Variants in ZNF521 observed in about 807,000 individuals in gnomAD.
The protein encoded by ZNF521 is zinc finger protein 521, also known as LYST-interacting protein 3.
Under a neutral mutation model 105.5 loss-of-function variants are expected in ZNF521, and 14 were observed. The observed-to-expected ratio is 0.13, with a 90% CI of 0.09 to 0.21. The LOEUF (loss-of-function observed/expected upper bound fraction) is 0.21, where lower values mean the gene tolerates loss of function less well. ZNF521 is among the 10% of genes least tolerant of loss of function. The pLI, the probability that ZNF521 is intolerant of heterozygous loss-of-function variation, is 1.00. For synonymous variants in ZNF521, 635 were observed against 606.0 expected (o/e 1.05, Z -0.70); for missense variants, 1,233 against 1,629.7 (o/e 0.76, Z 4.19).
At chr18:25,234,687 A>G (rs780528147) in intron 3 of ZNF521, among the ~76,000 whole-genome samples, 10 of 152,198 alleles carry the variant, frequency 6.6e-5, no homozygotes, top group Non-Finnish European at 1.3e-4. Flanking sequence ...TATGAAAGCC[A>G]AAGTTACCTA....
At chr18:25,349,604 C>T (rs8096114) in intron 2 of ZNF521, among the ~76,000 whole-genome samples, 14,774 of 152,082 alleles carry the variant, frequency 0.097, 832 homozygotes, top group Middle Eastern at 0.18. Context: ...GGCCGGGGGC[C>T]GGGAGGCGTG....
At chr18:25,072,107 T>C (rs1002248411) in intron 7 of ZNF521, among the ~76,000 whole-genome samples, 2 of 152,138 alleles carry the variant, frequency 1.3e-5, no homozygotes, top group African/African-American at 4.8e-5. Flanking sequence ...TTCACCACAT[T>C]TTGCTATTTT....
At chr18:25,301,145 G>C (rs1285154302) in intron 3 of ZNF521, among the ~76,000 whole-genome samples, 2 of 152,124 alleles carry the variant, frequency 1.3e-5, no homozygotes, top group African/African-American at 4.8e-5. Flanking sequence ...ATACACTGGG[G>C]ATACATTAGA....
At chr18:25,073,765 T>C (rs2033282059) in intron 7 of ZNF521, among the ~76,000 whole-genome samples, 1 of 152,302 alleles carries the variant, frequency 6.6e-6, no homozygotes, top group Middle Eastern at 3.4e-3. Context: ...GAAATGCCAC[T>C]TCCTTGTAGT....
chr18:25,191,749 G>A (rs956239257), intron 5 of ZNF521, among the ~76,000 whole-genome samples: 4 of 152,058 alleles, frequency 2.6e-5, no homozygotes, highest in South Asian at 2.1e-4. Flanking sequence ...CTATGCTGTT[G>A]AGCCTCATAA....
chr18:25,190,130 A>C (rs933500636), intron 5 of ZNF521, among the ~76,000 whole-genome samples: 2 of 152,146 alleles, frequency 1.3e-5, no homozygotes, highest in African/African-American at 4.8e-5. Context: ...GTTACCATTA[A>C]ACTGCCCAGA....
chr18:25,086,004 A>C (rs1350785586), intron 7 of ZNF521, among the ~76,000 whole-genome samples: 1 of 152,130 alleles, frequency 6.6e-6, no homozygotes, highest in Non-Finnish European at 1.5e-5. Flanking sequence ...ATAGGATTGC[A>C]GTTCTTAGAC....
intron 2 of ZNF521, among the ~76,000 whole-genome samples, chr18:25,349,419 G>T (rs28394771): frequency 0.11 from 17,070 of 152,224 alleles, 1,770 homozygotes; most frequent in East Asian, 0.52. Context: ...ACACTGTGTG[G>T]AGACACATGC....
At chr18:25,286,229 G>A (rs1239756481) in intron 3 of ZNF521, among the ~76,000 whole-genome samples, 1 of 152,166 alleles carries the variant, frequency 6.6e-6, no homozygotes, top group East Asian at 1.9e-4. Context: ...GGGGAAGAGT[G>A]GAATGAAGTG....
intron 3 of ZNF521, among the ~76,000 whole-genome samples, chr18:25,310,149 T>C (rs948924525): frequency 6.6e-6 from 1 of 152,048 alleles, no homozygotes; most frequent in Non-Finnish European, 1.5e-5. Flanking sequence ...TGGGCACAAC[T>C]CCAAGAAAGC....
At chr18:25,346,992 G>A (rs1016530825) in intron 2 of ZNF521, among the ~76,000 whole-genome samples, 5 of 151,994 alleles carry the variant, frequency 3.3e-5, no homozygotes, top group Admixed American at 2.6e-4. Context: ...GCTTTTTGGA[G>A]TAAATTTCAA....
intron 5 of ZNF521, among the ~76,000 whole-genome samples, chr18:25,143,116 T>G (rs9646558): frequency 0.5 from 75,434 of 152,004 alleles, 19,117 homozygotes; most frequent in African/African-American, 0.59. Flanking sequence ...AAATAACACA[T>G]CTAGTGTCAG....
chr18:25,082,455 T>C (rs1051758547), intron 7 of ZNF521, among the ~76,000 whole-genome samples: 1 of 152,016 alleles, frequency 6.6e-6, no homozygotes, highest in African/African-American at 2.4e-5. Context: ...GGCAAATATT[T>C]CCAACCCAGG....
At chr18:25,160,099 C>A (rs953262754) in intron 5 of ZNF521, among the ~76,000 whole-genome samples, 3 of 152,164 alleles carry the variant, frequency 2.0e-5, no homozygotes, top group African/African-American at 7.2e-5. Flanking sequence ...TCTTCTGGTT[C>A]AAGGTGGAAT....
At chr18:25,238,043 A>AATAT (rs1907044681) in intron 3 of ZNF521, among the ~76,000 whole-genome samples, 1 of 152,176 alleles carries the variant, frequency 6.6e-6, no homozygotes, top group African/African-American at 2.4e-5. Flanking sequence ...ATCTTGTACT[A>AATAT]ACAATAGTAG....
At chr18:25,111,528 A>G (rs985052348) in intron 5 of ZNF521, among the ~76,000 whole-genome samples, 1 of 152,234 alleles carries the variant, frequency 6.6e-6, no homozygotes, top group Non-Finnish European at 1.5e-5. Flanking sequence ...TAGTCTCTCA[A>G]GAACTTTACC....
intron 3 of ZNF521, among the ~76,000 whole-genome samples, chr18:25,285,698 T>A (rs142053220): frequency 2.8e-3 from 414 of 147,072 alleles, no homozygotes; most frequent in East Asian, 0.01. Context: ...TCTCTCTCTC[T>A]CACACACACA....
rs2144742955 is a variant in ZNF521 at position 25,227,381 on chromosome 18, A to G, written c.537T>C (p.Cys179=). Residue 179 remains cysteine (C), a synonymous_variant, in exon 4 of 8, where the codon TGT becomes TGC. Transcript: ENST00000361524. This position sits in a 1 kb window ranked among gnomAD's most constrained non-coding sequence, Gnocchi z 5.7. ...TGDKKYHCSE[C]DAAFSRSDHL... ...GATCACTTCTGGAAAACGCAGCATC[A>G]CATTCACTGCAGTGGTACTTCTTGT... The G allele has an allele frequency of 6.2e-7, 1 of 1,614,148 alleles. No individual in the cohort carries two copies. Among genetic ancestry groups the G allele is most frequent in the East Asian group, 2.2e-5 (1 of 44,878 alleles).
chr18:25,204,646 T>A (rs549047075), intron 4 of ZNF521, among the ~76,000 whole-genome samples: 29 of 152,276 alleles, frequency 1.9e-4, no homozygotes, highest in African/African-American at 6.7e-4. Context: ...TTCTTCAAAA[T>A]TTGTCTTTCT....
Sources: allele counts gnomAD v4.1 joint callset (sites outside exome capture counted in the v4.1 genomes callset), GRCh38; gene constraint gnomAD v4.1.1; non-coding constraint Gnocchi (gnomAD v3.1); transcripts MANE v1.5; gene names NCBI Gene and HGNC (gene_info 2026-07-23, HGNC 2026-07-21).